Variants in ANKRD31 observed in about 807,000 individuals in gnomAD.
The protein encoded by ANKRD31 is ankyrin repeat domain-containing protein 31.
A neutral mutation model predicts 186.0 loss-of-function variants in ANKRD31; 147 were observed. That is an observed-to-expected ratio of 0.79 (90% CI 0.69 to 0.91). The LOEUF (loss-of-function observed/expected upper bound fraction) is 0.91, where lower values mean the gene tolerates loss of function less well. ANKRD31 is among the 40% of genes least tolerant of loss of function. ANKRD31 has a pLI of 0.00. For synonymous variants in ANKRD31, 673 were observed against 736.4 expected (o/e 0.91, Z 1.39); for missense variants, 1,986 against 2,148.8 (o/e 0.92, Z 1.50).
chr5:75,100,356 T>C (rs141498250), intron 22 of ANKRD31, among the ~76,000 whole-genome samples: 2,693 of 152,312 alleles, frequency 0.018, 44 homozygotes, highest in Middle Eastern at 0.041. Flanking sequence ...TGTGGTCAAT[T>C]TTGGAATAAG....
intron 11 of ANKRD31, among the ~76,000 whole-genome samples, chr5:75,167,140 G>A (rs978481513): frequency 6.6e-6 from 1 of 150,542 alleles, no homozygotes; most frequent in Non-Finnish European, 1.5e-5. Flanking sequence ...TGACTATTAC[G>A]GATATTTCAA....
chr5:75,079,513 A>G (rs1744922495), intron 25 of ANKRD31, among the ~76,000 whole-genome samples: 1 of 150,752 alleles, frequency 6.6e-6, no homozygotes, highest in Admixed American at 6.6e-5. Context: ...CTTGTTGACC[A>G]GGCTGGAGTG....
At chr5:75,215,823 T>TA (rs200667682) in intron 3 of ANKRD31, among the ~76,000 whole-genome samples, 30 of 148,704 alleles carry the variant, frequency 2.0e-4, no homozygotes, top group African/African-American at 2.7e-4. Flanking sequence ...AACAACAAAT[T>TA]AAAAAAAAAA....
At chr5:75,173,049 G>A (rs921226985) in intron 10 of ANKRD31, among the ~76,000 whole-genome samples, 1 of 152,072 alleles carries the variant, frequency 6.6e-6, no homozygotes, top group Non-Finnish European at 1.5e-5. Context: ...ATGATCAAGT[G>A]TGCTTCATCA....
chr5:75,095,348 C>T (rs1304059280), intron 22 of ANKRD31, among the ~76,000 whole-genome samples: 1 of 152,034 alleles, frequency 6.6e-6, no homozygotes, highest in African/African-American at 2.4e-5. Flanking sequence ...GTGGCGGATG[C>T]CTGTAGTCCC....
intron 1 of ANKRD31, among the ~76,000 whole-genome samples, chr5:75,235,545 A>G (rs551090644): frequency 6.6e-6 from 1 of 152,030 alleles, no homozygotes; most frequent in South Asian, 2.1e-4. Flanking sequence ...CAGTAAACCT[A>G]TTTTTATCCA....
chr5:75,082,157 T>C (rs2150015228), intron 24 of ANKRD31, among the ~76,000 whole-genome samples: 1 of 152,366 alleles, frequency 6.6e-6, no homozygotes, highest in South Asian at 2.1e-4. Flanking sequence ...CTTTTGAGGC[T>C]ATCTTCAGAA....
At position 75,236,580 on chromosome 5, in the gene ANKRD31, C is replaced by A. The variant is rs1261232874; in HGVS notation, c.104+3G>T. 2 of 1,536,606 alleles carry A rather than the reference C, an allele frequency of 1.3e-6. No individual in the cohort carries two copies. The highest frequency in any genetic ancestry group is 1.7e-6 in the Non-Finnish European group (2 of 1,146,614). ...CAGGCACTGTGGCCCTAATGATGGT[C>A]ACCTTCTCCAGGGCAGCTCCTTTTC... On this transcript the variant is annotated splice_donor_region_variant and intron_variant, in intron 1 of 25. Coordinates refer to ENST00000506364, the MANE Select transcript of ANKRD31 (RefSeq NM_001372053.1).
Position 75,133,609 on chromosome 5 carries a change from G to T in ANKRD31, c.3876+4247C>A, listed in dbSNP as rs377764695. Among the ~76,000 whole-genome samples the T allele has an allele frequency of 4.6e-5, 7 of 152,122 alleles. No individual in the cohort carries two copies. In the East Asian group the frequency reaches 1.3e-3, roughly 29 times the overall value. ...CTGTCAACATTAGACAGATCAACGAGACAGAAAGTTAACAAGGATATCCAG... is the reference window on the plus strand; with the variant it reads ...CTGTCAACATTAGACAGATCAACGATACAGAAAGTTAACAAGGATATCCAG... On this transcript the variant is annotated intron_variant, in intron 17 of 25. Coordinates refer to ENST00000506364, the MANE Select transcript of ANKRD31 (RefSeq NM_001372053.1).
chr5:75,158,368 A>G (rs531237599), intron 11 of ANKRD31, among the ~76,000 whole-genome samples: 2 of 152,336 alleles, frequency 1.3e-5, no homozygotes, highest in East Asian at 3.9e-4. Context: ...CAGGGTCACA[A>G]GACTGCACAC....
In ANKRD31 at chr5:75,147,059, G is replaced by C; in HGVS notation, c.2352C>G (p.Ser784=). ...TTCTCAGGCTTGACAGAGTTAAGCT[G>C]GAAGGTTCACACAATTCTTCTGGAA... is the stretch of plus-strand genomic sequence containing the variant. ...NDLPEELCEP[S]SLTLSSLRNG... is the part of the protein sequence containing the mutation. Residue 784 remains serine, a synonymous_variant, in exon 14 of 26, where the codon TCC becomes TCG. Transcript: ENST00000506364. 6.5e-7 allele frequency: 1 copy of C among 1,536,282 alleles called. No homozygotes were observed. Among genetic ancestry groups the C allele is most frequent in the Admixed American group, 2.0e-5 (1 of 50,918 alleles).
intron 17 of ANKRD31, among the ~76,000 whole-genome samples, chr5:75,127,496 C>G (rs1056063821): frequency 2.0e-5 from 3 of 152,154 alleles, no homozygotes; most frequent in Non-Finnish European, 4.4e-5. Flanking sequence ...AAATCCTAAT[C>G]TAACTTATGC....
chr5:75,233,350 A>G (rs1186153950), intron 1 of ANKRD31, among the ~76,000 whole-genome samples: 1 of 152,142 alleles, frequency 6.6e-6, no homozygotes, highest in East Asian at 1.9e-4. Context: ...GGCATCAGCT[A>G]CCATGCCCAA....
At chr5:75,182,312 C>T (rs945306466) in intron 10 of ANKRD31, among the ~76,000 whole-genome samples, 1 of 152,104 alleles carries the variant, frequency 6.6e-6, no homozygotes, top group Admixed American at 6.6e-5. Context: ...AATTAAGTAT[C>T]AGAAACTCAA....
chr5:75,115,318 T>G (rs1748126111), intron 19 of ANKRD31, among the ~76,000 whole-genome samples: 1 of 151,908 alleles, frequency 6.6e-6, no homozygotes, highest in Non-Finnish European at 1.5e-5. Flanking sequence ...GAAGAAAACC[T>G]AGGCATTACC....
At chr5:75,184,857 G>A (rs1182154273) in intron 10 of ANKRD31, among the ~76,000 whole-genome samples, 1 of 151,836 alleles carries the variant, frequency 6.6e-6, no homozygotes, top group Non-Finnish European at 1.5e-5. Flanking sequence ...CCTACTACTT[G>A]GTATATATCC....
At chr5:75,083,038 G>T (rs547327701) in intron 24 of ANKRD31, among the ~76,000 whole-genome samples, 1 of 152,238 alleles carries the variant, frequency 6.6e-6, no homozygotes, top group South Asian at 2.1e-4. Context: ...TTGGATTTTA[G>T]ATTTTTTCAA....
intron 10 of ANKRD31, among the ~76,000 whole-genome samples, chr5:75,179,607 C>T (rs1264981776): frequency 2.0e-5 from 3 of 152,178 alleles, no homozygotes; most frequent in African/African-American, 7.2e-5. Flanking sequence ...CGTAATCCAT[C>T]ATATAAACAG....
Position 75,146,540 on chromosome 5 carries a change from C to T in ANKRD31, c.2871G>A (p.Glu957=). The T allele has an allele frequency of 1.2e-5, 18 of 1,536,482 alleles. No homozygotes were observed. Among genetic ancestry groups the T allele is most frequent in the Non-Finnish European group, 1.6e-5 (18 of 1,146,438 alleles). ...LSEDHLSQEN[E]LKAVSLTTLP... is the part of the protein sequence containing the mutation. ...GTGTGGTTAGGCTGACTGCTTTTAACTCATTTTCCTGTGAAAGATGATCTT... is the reference window on the plus strand; with the variant it reads ...GTGTGGTTAGGCTGACTGCTTTTAATTCATTTTCCTGTGAAAGATGATCTT... The change falls in exon 14 of 26, where the codon GAG becomes GAA. Residue 957 remains glutamate, a synonymous_variant. Coordinates refer to ENST00000506364, the MANE Select transcript of ANKRD31 (RefSeq NM_001372053.1).
Sources: gnomAD v4.1 joint callset for allele counts (sites outside exome capture counted in the v4.1 genomes callset) on GRCh38, gnomAD v4.1.1 for gene constraint, MANE v1.5 for transcripts, NCBI Gene and HGNC (gene_info 2026-07-23, HGNC 2026-07-21) for gene names.